CHCHD6: variants seen among roughly 807,000 people sequenced by gnomAD.
The protein encoded by CHCHD6 is coiled-coil-helix-coiled-coil-helix domain containing 6.
A neutral mutation model predicts 32.3 loss-of-function variants in CHCHD6; 28 were observed. The ratio of observed to expected loss-of-function variants is 0.87; its 90% CI spans 0.64 to 1.19. The LOEUF (loss-of-function observed/expected upper bound fraction) is 1.19, where lower values mean the gene tolerates loss of function less well. Ranked by LOEUF, CHCHD6 falls within the 50% of genes most tolerant of loss-of-function variation. The pLI, the probability that CHCHD6 is intolerant of heterozygous loss-of-function variation, is 0.00. For missense variants in CHCHD6, 333 were observed against 307.0 expected (o/e 1.08, Z -0.63); for synonymous variants, 122 against 117.5 (o/e 1.04, Z -0.25).
At chr3:126,902,538 A>G (rs937409873) in intron 5 of CHCHD6, among the ~76,000 whole-genome samples, 2 of 151,984 alleles carry the variant, frequency 1.3e-5, no homozygotes, top group African/African-American at 4.8e-5. Context: ...AACATGGTGA[A>G]ACCCTGTCTC....
chr3:126,955,374 G>A (rs2078769134), intron 6 of CHCHD6, among the ~76,000 whole-genome samples: 1 of 152,232 alleles, frequency 6.6e-6, no homozygotes, highest in East Asian at 1.9e-4. Flanking sequence ...AGTCAATGCA[G>A]ATAAAACCCC....
At position 126,727,097 on chromosome 3, in the gene CHCHD6, A is replaced by T; in HGVS notation, c.107A>T (p.Asn36Ile). 6.2e-7 allele frequency: 1 copy of T among 1,613,754 alleles called. No homozygotes were observed. The highest frequency in any genetic ancestry group is 2.2e-5 in the East Asian group (1 of 44,868). ...QGVRLSENVVNRMKEPSSPPP... is the reference protein window; with the variant it reads ...QGVRLSENVVIRMKEPSSPPP... The stretch of plus-strand genomic sequence containing the variant: ...CCTTAGCTGTCTGAAAACGTGGTGA[A>T]CCGCATGAAGGAGCCCAGCTCTCCA... The change falls in exon 2 of 8, where the codon AAC (asparagine) becomes ATC (isoleucine). Residue 36 changes from asparagine (N) to isoleucine (I), a missense_variant. Coordinates refer to ENST00000290913, the MANE Select transcript of CHCHD6 (RefSeq NM_032343.3).
At chr3:126,956,898 T>C (rs1332893864) in intron 6 of CHCHD6, 1 of 156,274 alleles carries the variant, frequency 6.4e-6, no homozygotes, top group African/African-American at 2.4e-5. Context: ...TGCACGCATA[T>C]TAGTTTTAAA....
intron 4 of CHCHD6, among the ~76,000 whole-genome samples, chr3:126,736,942 GT>G (rs1936069653): frequency 1.3e-5 from 2 of 152,284 alleles, no homozygotes; most frequent in South Asian, 4.1e-4. Flanking sequence ...TTTATTTTAG[GT>G]GAGAATGAGA....
chr3:126,724,652 T>C (rs927207727), intron 1 of CHCHD6, among the ~76,000 whole-genome samples: 2 of 152,204 alleles, frequency 1.3e-5, no homozygotes, highest in African/African-American at 4.8e-5. Context: ...CTCTGTAGCA[T>C]ACGATGCTGT....
intron 4 of CHCHD6, among the ~76,000 whole-genome samples, chr3:126,739,045 ACT>A (rs1936176450): frequency 6.6e-6 from 1 of 151,828 alleles, no homozygotes; most frequent in Admixed American, 6.6e-5. Flanking sequence ...TGATCTGGAG[ACT>A]CTGGTGGCCT....
chr3:126,870,325 C>T (rs1242473283), intron 5 of CHCHD6, among the ~76,000 whole-genome samples: 1 of 152,194 alleles, frequency 6.6e-6, no homozygotes, highest in Non-Finnish European at 1.5e-5. Context: ...TGCTTCTACT[C>T]CCACCCTGTG....
At position 126,760,491 on chromosome 3, in the gene CHCHD6, T is replaced by C. The variant is rs963707616; in HGVS notation, c.411+27269T>C. Among the ~76,000 whole-genome samples, 3 of 152,346 alleles carry C rather than the reference T, an allele frequency of 2.0e-5. 1 individual carries two copies. On this transcript the variant is annotated intron_variant, in intron 4 of 7. Transcript: ENST00000290913. ...TGAAACTGTACCCATCAAACAAAAA[T>C]TCCCCCTTTCCCATATCTTTGGTCC...
At chr3:126,865,343 C>T (rs907916837) in intron 5 of CHCHD6, among the ~76,000 whole-genome samples, 1 of 150,984 alleles carries the variant, frequency 6.6e-6, no homozygotes, top group African/African-American at 2.4e-5. Flanking sequence ...AACTGCTCCA[C>T]CAACCCCTTC....
intron 4 of CHCHD6, among the ~76,000 whole-genome samples, chr3:126,816,276 G>A (rs1009690660): frequency 6.6e-6 from 1 of 152,166 alleles, no homozygotes; most frequent in Admixed American, 6.5e-5. Context: ...CACTGAGCCA[G>A]GCACATGGGC....
At chr3:126,713,687 ATCT>A (rs1934867943) in intron 1 of CHCHD6, among the ~76,000 whole-genome samples, 1 of 152,106 alleles carries the variant, frequency 6.6e-6, no homozygotes, top group South Asian at 2.1e-4. Flanking sequence ...CAGGGGCCAC[ATCT>A]TCTTCGTCTC....
intron 4 of CHCHD6, among the ~76,000 whole-genome samples, chr3:126,845,046 G>A (rs2107548593): frequency 6.6e-6 from 1 of 152,322 alleles, no homozygotes; most frequent in Non-Finnish European, 1.5e-5. Flanking sequence ...TGAGACTTCT[G>A]ACCTTTAGAA....
chr3:126,716,017 GCTC>G (rs1353146443), intron 1 of CHCHD6, among the ~76,000 whole-genome samples: 1 of 152,124 alleles, frequency 6.6e-6, no homozygotes, highest in Admixed American at 6.5e-5. Context: ...ACTTCTCAGT[GCTC>G]CTCCTCCTGA....
intron 4 of CHCHD6, among the ~76,000 whole-genome samples, chr3:126,769,931 C>T (rs981786486): frequency 4.6e-5 from 7 of 152,122 alleles, no homozygotes; most frequent in Non-Finnish European, 8.8e-5. Flanking sequence ...TGCTGTATGG[C>T]CATTTTAATC....
intron 6 of CHCHD6, among the ~76,000 whole-genome samples, chr3:126,915,915 C>T (rs983276616): frequency 3.9e-5 from 6 of 152,020 alleles, no homozygotes; most frequent in African/African-American, 1.2e-4. Flanking sequence ...CTCAGACTCC[C>T]GAGTAACTGA....
At chr3:126,775,677 T>C (rs1937625822) in intron 4 of CHCHD6, among the ~76,000 whole-genome samples, 1 of 152,074 alleles carries the variant, frequency 6.6e-6, no homozygotes, top group South Asian at 2.1e-4. Flanking sequence ...ACTCTAGAGG[T>C]TAAGGAAAGT....
intron 4 of CHCHD6, among the ~76,000 whole-genome samples, chr3:126,737,951 A>C (rs1936121702): frequency 6.6e-6 from 1 of 152,154 alleles, no homozygotes; most frequent in Admixed American, 6.5e-5. Flanking sequence ...AGACAGCTGG[A>C]CATTGATCAC....
chr3:126,807,082 C>G (rs1005930354), intron 4 of CHCHD6, among the ~76,000 whole-genome samples: 1 of 149,340 alleles, frequency 6.7e-6, no homozygotes, highest in Admixed American at 6.7e-5. Flanking sequence ...TAGCATTAGG[C>G]GATATACCTA....
intron 4 of CHCHD6, among the ~76,000 whole-genome samples, chr3:126,775,945 C>G (rs1030256560): frequency 5.9e-5 from 9 of 152,192 alleles, no homozygotes; most frequent in Non-Finnish European, 1.2e-4. Context: ...TTTCATGGAG[C>G]CACATCGCCA....
Sources: allele counts gnomAD v4.1 joint callset (sites outside exome capture counted in the v4.1 genomes callset), GRCh38; gene constraint gnomAD v4.1.1; transcripts MANE v1.5; gene names NCBI Gene and HGNC (gene_info 2026-07-23, HGNC 2026-07-21).